TBL2: variants seen among roughly 807,000 people sequenced by gnomAD.
TBL2 encodes the protein transducin beta-like protein 2.
TBL2 carries 33 observed loss-of-function variants against 41.8 expected under a neutral mutation model. The ratio of observed to expected loss-of-function variants is 0.79; its 90% CI spans 0.60 to 1.06. The LOEUF (loss-of-function observed/expected upper bound fraction) is 1.06, where lower values mean the gene tolerates loss of function less well. Ranked by LOEUF, TBL2 falls within the 50% of genes least tolerant of loss-of-function variation. The pLI, the probability that TBL2 is intolerant of heterozygous loss-of-function variation, is 0.00. For synonymous variants in TBL2, 239 were observed against 241.7 expected (o/e 0.99, Z 0.10); for missense variants, 522 against 603.8 (o/e 0.86, Z 1.42).
Position 73,574,138 on chromosome 7 carries a change from C to T in TBL2, c.262-16G>A, listed in dbSNP as rs1376283440. 1.2e-6 allele frequency: 2 copies of T among 1,612,666 alleles called. No homozygotes were observed. The highest frequency in any genetic ancestry group is 1.3e-5 in the African/African-American group (1 of 75,014). ...CGCTGTGGCTCTAGGGGAAGGGTGG[C>T]AGGAAGTGTCAATAGGAGCTCCTGG... On this transcript the variant is annotated splice_polypyrimidine_tract_variant and intron_variant, in intron 2 of 6. Coordinates refer to ENST00000305632, the MANE Select transcript of TBL2 (RefSeq NM_012453.4).
Position 73,570,471 on chromosome 7 carries a change from C to T in TBL2, c.*36G>A, listed in dbSNP as rs186492513. 428 of 1,458,870 alleles carry T rather than the reference C, an allele frequency of 2.9e-4. 4 individuals carry two copies. In the Admixed American group the frequency reaches 0.011, roughly 38 times the overall value. 90.4% of individuals were successfully genotyped at this position (1,458,870 alleles called of 1,614,324 possible). On this transcript the variant is annotated 3_prime_UTR_variant, in exon 7 of 7. Coordinates refer to ENST00000305632, the MANE Select transcript of TBL2 (RefSeq NM_012453.4). ...GCAGTGCCATGAGGAGGCCAGATCCCTCCTCCTCAATCCTCTGCGCCGGGC... is the reference window on the plus strand; with the variant it reads ...GCAGTGCCATGAGGAGGCCAGATCCTTCCTCCTCAATCCTCTGCGCCGGGC...
Position 73,574,124 on chromosome 7 carries a change from T to C in TBL2, c.262-2A>G, listed in dbSNP as rs1356813145. ...GCAAGATATGTTCCCGCTGTGGCTC[T>C]AGGGGAAGGGTGGCAGGAAGTGTCA... On this transcript the variant is annotated splice_acceptor_variant, in intron 2 of 6. Transcript: ENST00000305632. LOFTEE classifies it high-confidence loss of function. 1 of 1,613,706 alleles carries C rather than the reference T, an allele frequency of 6.2e-7. No individual in the cohort carries two copies. The highest frequency in any genetic ancestry group is 8.5e-7 in the Non-Finnish European group (1 of 1,179,656).
chr7:73,574,903 G>A (rs1407583339), intron 1 of TBL2: 2 of 354,778 alleles, frequency 5.6e-6, no homozygotes, highest in Admixed American at 7.8e-5. Flanking sequence ...TGACTACTGA[G>A]GAGGCTGTTT....
intron 1 of TBL2, chr7:73,574,785 C>T (rs782460521): frequency 1.3e-5 from 7 of 546,232 alleles, no homozygotes; most frequent in Non-Finnish European, 2.0e-5. Context: ...GCATTCCATC[C>T]TGAGTGACAG....
chr7:73,578,430 G>GCCGCT lies in TBL2; in HGVS notation c.115_119dup (p.Arg41AlafsTer48). 1 of 1,530,168 alleles carries GCCGCT rather than the reference G, an allele frequency of 6.5e-7. No individual in the cohort carries two copies. The highest frequency in any genetic ancestry group is 8.8e-7 in the Non-Finnish European group (1 of 1,140,356). The allele number at this position is 1,530,168 out of a possible 1,614,324, so 94.8% of individuals were successfully genotyped here. A position where few individuals can be genotyped will look rare whatever the true frequency, so the allele number is the denominator to read the frequency against. ...CCCGGCCCCACTTACAGGCGGGCCGGCCGCTCCTCTCCTCCCCCGCGCGCA... is the reference window on the plus strand; with the variant it reads ...CCCGGCCCCACTTACAGGCGGGCCGGCCGCTCCGCTCCTCTCCTCCCCCGCGCGCA... On this transcript the variant is annotated frameshift_variant, in exon 1 of 7. Transcript: ENST00000305632. LOFTEE classifies it high-confidence loss of function.
At chr7:73,578,265 T>A (rs1793464623) in intron 1 of TBL2, 155 bp downstream of exon 1, 2 of 1,533,170 alleles carry the variant, frequency 1.3e-6, no homozygotes, top group Non-Finnish European at 8.7e-7. Flanking sequence ...CGGGTCCCCG[T>A]CTCTGGAAGC....
At position 73,570,438 on chromosome 7, in the gene TBL2, A is replaced by C; in HGVS notation, c.*69T>G. On this transcript the variant is annotated 3_prime_UTR_variant, in exon 7 of 7. Transcript: ENST00000305632. ...CTGAAAGGCTTCCACCTGGGAGGAA[A>C]GATGGCAGCAGTGCCATGAGGAGGC... 1 of 1,432,192 alleles carries C rather than the reference A, an allele frequency of 7.0e-7. No homozygotes were observed. 88.7% of individuals were successfully genotyped at this position (1,432,192 alleles called of 1,614,324 possible). A position where few individuals can be genotyped will look rare whatever the true frequency, so the allele number is the denominator to read the frequency against.
At chr7:73,578,180 CCA>C in intron 1 of TBL2, 1 of 1,452,676 alleles carries the variant, frequency 6.9e-7, no homozygotes, top group Non-Finnish European at 9.2e-7. Flanking sequence ...CTGGCCTCGG[CCA>C]CAGAGAAAGC....
rs1381208696 is a variant in TBL2, at chr7:73,568,103, C to G, written c.*2404G>C. Among the ~76,000 whole-genome samples, 6 of 152,192 alleles carry G rather than the reference C, an allele frequency of 3.9e-5. No individual in the cohort carries two copies. The highest frequency in any genetic ancestry group is 1.4e-4 in the African/African-American group (6 of 41,448). ...CCAAAAGTCTGTGGTTAGGAACATA[C>G]AAAACCACAATGGAGACTGGGAGTG... On this transcript the variant is annotated 3_prime_UTR_variant, in exon 7 of 7. Transcript: ENST00000305632.
intron 1 of TBL2, chr7:73,578,119 CG>C: frequency 1.3e-6 from 1 of 787,042 alleles, no homozygotes; most frequent in Non-Finnish European, 1.9e-6. Flanking sequence ...ATCGCGGCCA[CG>C]GAGCAGGCTG....
In TBL2 at chr7:73,573,433, C is replaced by T. The variant is rs372356020; in HGVS notation, c.485G>A (p.Arg162His). 15 of 1,613,952 alleles carry T rather than the reference C, an allele frequency of 9.3e-6. No homozygotes were observed. The highest frequency in any genetic ancestry group is 5.3e-5 in the African/African-American group (4 of 74,888). Reference protein sequence around the residue: ...IVWLANGDTLRVFKMTKREDG... With the variant: ...IVWLANGDTLHVFKMTKREDG... Reference sequence around the variant, plus strand: ...CTCCCGCTTGGTCATCTTGAAGACACGGAGGGTGTCCCCGTTGGCCAGCCA... The same window carrying T: ...CTCCCGCTTGGTCATCTTGAAGACATGGAGGGTGTCCCCGTTGGCCAGCCA... The change falls in exon 4 of 7, where the codon CGT (arginine) becomes CAT (histidine). Residue 162 changes from arginine (R) to histidine (H), a missense_variant. Arg to His is a conservative substitution (Grantham distance 29). Transcript: ENST00000305632.
chr7:73,570,583 C>T lies in TBL2; in HGVS notation c.1268G>A (p.Ser423Asn), dbSNP rs782325805. 3.5e-5 allele frequency: 57 copies of T among 1,610,588 alleles called. No homozygotes were observed. In the East Asian group the frequency reaches 1.2e-3, roughly 35 times the overall value. The change falls in exon 7 of 7, where the codon AGC (serine) becomes AAC (asparagine). Residue 423 changes from serine to asparagine, a missense_variant. Ser to Asn is a conservative substitution (Grantham distance 46, BLOSUM62 1). Coordinates refer to ENST00000305632, the MANE Select transcript of TBL2 (RefSeq NM_012453.4). ...QGHLKRASNE[S>N]TRQRLQQQLT... Reference sequence around the variant, plus strand: ...CTGCTGCTGCAGCCTCTGGCGGGTGCTCTCGTTGGAGGCCCGCTTCAGGTG... The same window carrying T: ...CTGCTGCTGCAGCCTCTGGCGGGTGTTCTCGTTGGAGGCCCGCTTCAGGTG...
At chr7:73,573,181 GC>G in intron 4 of TBL2, 138 bp downstream of exon 4, 1 of 1,415,938 alleles carries the variant, frequency 7.1e-7, no homozygotes, top group Non-Finnish European at 9.6e-7. Flanking sequence ...GGAGCACAGA[GC>G]CAGGCTGTTC....
At chr7:73,573,537 T>C in intron 3 of TBL2, 66 bp from the exon 4 acceptor site, 1 of 1,595,916 alleles carries the variant, frequency 6.3e-7, no homozygotes, top group Non-Finnish European at 8.5e-7. Flanking sequence ...CCAGGTCCTG[T>C]GCTGGGTTCT....
chr7:73,574,503 T>A lies in TBL2; in HGVS notation c.141A>T (p.Ala47=). The change falls in exon 2 of 7, where the codon GCA becomes GCT. Residue 47 remains alanine (A), a synonymous_variant. Coordinates refer to ENST00000305632, the MANE Select transcript of TBL2 (RefSeq NM_012453.4). ...AAGATTTGTCAGGTGGAAATCCATTTGCTTTTTGGCCTATAAGGAAGGGCC... is the reference window on the plus strand; with the variant it reads ...AAGATTTGTCAGGTGGAAATCCATTAGCTTTTTGGCCTATAAGGAAGGGCC... ...ERSGRPACQK[A]NGFPPDKSSG... The A allele has an allele frequency of 6.2e-7, 1 of 1,614,262 alleles. No homozygotes were observed. The highest frequency in any genetic ancestry group is 8.5e-7 in the Non-Finnish European group (1 of 1,180,048).
In TBL2 at chr7:73,569,323, G is replaced by C. The variant is rs1169965604; in HGVS notation, c.*1184C>G. The C allele has an allele frequency of 1.3e-5, 2 of 152,136 alleles. No homozygotes were observed. The highest frequency in any genetic ancestry group is 2.4e-5 in the African/African-American group (1 of 41,426). The allele number at this position is 152,136 out of a possible 1,614,324, so 9.4% of individuals were successfully genotyped here. A position where few individuals can be genotyped will look rare whatever the true frequency, so the allele number is the denominator to read the frequency against. On this transcript the variant is annotated 3_prime_UTR_variant, in exon 7 of 7. Coordinates refer to ENST00000305632, the MANE Select transcript of TBL2 (RefSeq NM_012453.4). ...GTTGTGGCTTGTTCCAACATTGAGA[G>C]GTCAGGGGCAACCAGGGGGGGTCAT...
intron 5 of TBL2, 73 bp downstream of exon 5, chr7:73,572,771 G>A: frequency 6.2e-7 from 1 of 1,603,546 alleles, no homozygotes; most frequent in East Asian, 2.2e-5. Context: ...GATGAAGCTG[G>A]CTCTCTGTTC....
Position 73,570,831 on chromosome 7 carries a change from G to A in TBL2, c.1020C>T (p.Ser340=), listed in dbSNP as rs782111200. 2 of 1,613,824 alleles carry A rather than the reference G, an allele frequency of 1.2e-6. No individual in the cohort carries two copies. The highest frequency in any genetic ancestry group is 2.7e-5 in the African/African-American group (2 of 74,958). ...CCAAGGCCAAGACCTGGGCGTTGGG[G>A]GAGAGGGCCAGGCGGCACGGCGCGG... ...AGAAPCRLAL[S]PNAQVLALAS... Residue 340 remains serine, a synonymous_variant, in exon 7 of 7, where the codon TCC becomes TCT. Coordinates refer to ENST00000305632, the MANE Select transcript of TBL2 (RefSeq NM_012453.4).
intron 1 of TBL2, chr7:73,576,655 T>C (rs1196688000): frequency 2.2e-6 from 1 of 456,494 alleles, no homozygotes; most frequent in African/African-American, 2.0e-5. Flanking sequence ...ATGTGGTAAA[T>C]GACTGCAGAT....
Sources: gnomAD v4.1 joint callset for allele counts (sites outside exome capture counted in the v4.1 genomes callset) on GRCh38, gnomAD v4.1.1 for gene constraint, MANE v1.5 for transcripts, NCBI Gene and HGNC (gene_info 2026-07-23, HGNC 2026-07-21) for gene names.